The following CEP55 variants were observed in gnomAD, a reference collection of about 807,000 sequenced individuals.
CEP55 encodes centrosomal protein of 55 kDa.
Under a neutral mutation model 63.2 loss-of-function variants are expected in CEP55, and 57 were observed. The observed-to-expected ratio is 0.90, with a 90% CI of 0.73 to 1.13. CEP55 has a LOEUF of 1.13. CEP55 is among the 50% of genes most tolerant of loss of function. The pLI is 0.00. For synonymous variants in CEP55, 178 were observed against 191.6 expected, an observed-to-expected ratio of 0.93 and a Z score of 0.59; for missense variants, 456 against 518.9, an observed-to-expected ratio of 0.88 and a Z score of 1.18.
intron 3 of CEP55, among the ~76,000 whole-genome samples, chr10:93,504,468 G>A (rs895097092): frequency 1.6e-4 from 20 of 126,634 alleles, no homozygotes; most frequent in Non-Finnish European, 2.8e-4. Context: ...GTGAGCCTCT[G>A]TCTCAAAAAA....
At chr10:93,517,674 A>G (rs1225531565) in intron 6 of CEP55, among the ~76,000 whole-genome samples, 1 of 152,242 alleles carries the variant, frequency 6.6e-6, no homozygotes, top group Admixed American at 6.5e-5. Flanking sequence ...TGGTGATGAT[A>G]TGTGCTCAAG....
intron 8 of CEP55, among the ~76,000 whole-genome samples, chr10:93,524,965 A>G (rs1474363091): frequency 1.3e-5 from 2 of 151,636 alleles, no homozygotes; most frequent in East Asian, 3.9e-4. Context: ...TATTTATGAC[A>G]AACCCACAGC....
chr10:93,509,704 T>A (rs1284365473), intron 4 of CEP55, among the ~76,000 whole-genome samples: 3 of 152,162 alleles, frequency 2.0e-5, no homozygotes, highest in East Asian at 1.9e-4. Context: ...CAGGCTGGTC[T>A]CCAACTCCTG....
At position 93,503,336 on chromosome 10, in the gene CEP55, C is replaced by T; in HGVS notation, c.407C>T (p.Thr136Ile). 1.9e-6 allele frequency: 3 copies of T among 1,614,188 alleles called. No homozygotes were observed. Among genetic ancestry groups the T allele is most frequent in the South Asian group, 1.1e-5 (1 of 91,082 alleles). ...DVLKQQLSAATSRIAELESKT... is the reference protein window; with the variant it reads ...DVLKQQLSAAISRIAELESKT... Reference sequence around the variant, plus strand: ...TTGAAACAACAGTTGTCTGCTGCAACCTCACGAATTGCTGAACTTGAAAGC... The same window carrying T: ...TTGAAACAACAGTTGTCTGCTGCAATCTCACGAATTGCTGAACTTGAAAGC... Residue 136 changes from threonine (T) to isoleucine (I), a missense_variant, in exon 3 of 9, where the codon ACC (threonine) becomes ATC (isoleucine). Transcript: ENST00000371485.
intron 4 of CEP55, chr10:93,510,739 C>T (rs1244677541): frequency 6.6e-6 from 1 of 152,140 alleles, no homozygotes; most frequent in Non-Finnish European, 1.5e-5. Flanking sequence ...GCACAGATAG[C>T]AACTTTAATA....
At position 93,503,133 on chromosome 10, in the gene CEP55, T is replaced by A. The variant is rs61865305; in HGVS notation, c.204T>A (p.Ala68=). 112,060 of 1,613,340 alleles carry A rather than the reference T, an allele frequency of 0.069. 4,452 individuals carry two copies. The highest frequency in any genetic ancestry group is 0.082 in the Non-Finnish European group (96,447 of 1,179,628). ...RLLEKIRVLE[A]EKEKNAYQLT... Reference sequence around the variant, plus strand: ...TCTAGAAAATTCGAGTCCTTGAGGCTGAGAAGGAGAAGAATGCTTATCAAC... The same window carrying A: ...TCTAGAAAATTCGAGTCCTTGAGGCAGAGAAGGAGAAGAATGCTTATCAAC... The change falls in exon 3 of 9, where the codon GCT becomes GCA. Residue 68 remains alanine (A), a synonymous_variant. Coordinates refer to ENST00000371485, the MANE Select transcript of CEP55 (RefSeq NM_018131.5).
intron 4 of CEP55, among the ~76,000 whole-genome samples, chr10:93,514,156 C>T (rs1444611222): frequency 3.3e-5 from 5 of 152,142 alleles, no homozygotes; most frequent in African/African-American, 4.8e-5. Context: ...TGGTCTTGAA[C>T]TCCTGGCCTC....
chr10:93,519,624 T>C, intron 7 of CEP55, 58 bp from the exon 8 acceptor site: 1 of 1,564,008 alleles, frequency 6.4e-7, no homozygotes, highest in Non-Finnish European at 8.6e-7. Context: ...GAGCATCCAG[T>C]CAAGAGAACT....
intron 4 of CEP55, among the ~76,000 whole-genome samples, chr10:93,509,525 A>G (rs558992492): frequency 6.6e-6 from 1 of 150,932 alleles, no homozygotes; most frequent in African/African-American, 2.4e-5. Flanking sequence ...TCACTCTGTC[A>G]CTCAGGTTGG....
Position 93,518,893 on chromosome 10 carries a change from C to T in CEP55, c.1010C>T (p.Thr337Ile), listed in dbSNP as rs2134488019. The change falls in exon 7 of 9, where the codon ACA (threonine) becomes ATA (isoleucine). Residue 337 changes from threonine to isoleucine, a missense_variant. Coordinates refer to ENST00000371485, the MANE Select transcript of CEP55 (RefSeq NM_018131.5). ...GTCCTACAGGTCCAGTTTCTTTACA[C>T]ATCTCTGCTAAAGCAGCAAGAAGAA... ...ELLSQVQFLY[T>I]SLLKQQEEQT... is the part of the protein sequence containing the mutation. The T allele has an allele frequency of 6.2e-7, 1 of 1,610,622 alleles. No homozygotes were observed. The highest frequency in any genetic ancestry group is 8.5e-7 in the Non-Finnish European group (1 of 1,177,190).
At chr10:93,513,106 A>G (rs1021599864) in intron 4 of CEP55, among the ~76,000 whole-genome samples, 1 of 152,226 alleles carries the variant, frequency 6.6e-6, no homozygotes, top group Non-Finnish European at 1.5e-5. Flanking sequence ...CAAAATGGAT[A>G]TACAATATCT....
intron 5 of CEP55, among the ~76,000 whole-genome samples, chr10:93,516,317 G>T (rs1032442858): frequency 3.3e-5 from 5 of 152,174 alleles, no homozygotes; most frequent in African/African-American, 1.2e-4. Flanking sequence ...ATGCTAAAAA[G>T]AAACTATAAA....
Position 93,525,779 on chromosome 10 carries a change from G to A in CEP55, c.1192-2171G>A, listed in dbSNP as rs564437462. Among the ~76,000 whole-genome samples, 672 of 151,944 alleles carry A rather than the reference G, an allele frequency of 4.4e-3. 3 individuals are homozygous for A. The highest frequency in any genetic ancestry group is 0.016 in the African/African-American group (648 of 41,428). ...ACAGAACAGAGCCCTCAGAAATAAT[G>A]CCACACATCTACAACTACCTGATCT... On this transcript the variant is annotated intron_variant, in intron 8 of 8. Transcript: ENST00000371485.
intron 8 of CEP55, among the ~76,000 whole-genome samples, chr10:93,520,836 A>AT: frequency 6.6e-6 from 1 of 152,256 alleles, no homozygotes; most frequent in South Asian, 2.1e-4. Context: ...AAGAAAATAT[A>AT]TTTTTGGCTC....
At chr10:93,519,979 C>A in intron 8 of CEP55, 172 bp downstream of exon 8, 2 of 674,324 alleles carry the variant, frequency 3.0e-6, no homozygotes, top group Non-Finnish European at 5.2e-6. Flanking sequence ...ATTCAGAGGA[C>A]ATGAAAGAGG....
At chr10:93,510,438 G>A (rs904284653) in intron 4 of CEP55, 5 of 151,894 alleles carry the variant, frequency 3.3e-5, no homozygotes, top group African/African-American at 1.2e-4. Context: ...AAATTCAACC[G>A]TTGTTAACAT....
intron 8 of CEP55, 176 bp downstream of exon 8, chr10:93,519,983 A>C (rs1243670441): frequency 3.0e-6 from 2 of 662,516 alleles, no homozygotes; most frequent in Non-Finnish European, 2.6e-6. Context: ...AGAGGACATG[A>C]AAGAGGGACA....
At chr10:93,507,449 T>TGACCTCAAG (rs1344092774) in intron 4 of CEP55, among the ~76,000 whole-genome samples, 1 of 150,718 alleles carries the variant, frequency 6.6e-6, no homozygotes, top group African/African-American at 2.4e-5. Flanking sequence ...CTCAAACTCC[T>TGACCTCAAG]GACCTCAAGT....
chr10:93,523,215 A>G (rs370014898), intron 8 of CEP55, among the ~76,000 whole-genome samples: 5 of 152,244 alleles, frequency 3.3e-5, no homozygotes, highest in African/African-American at 1.2e-4. Flanking sequence ...AGTGACACAC[A>G]TAGGCTCAAA....
Sources: allele counts gnomAD v4.1 joint callset (sites outside exome capture counted in the v4.1 genomes callset), GRCh38; gene constraint gnomAD v4.1.1; transcripts MANE v1.5; gene names NCBI Gene and HGNC (gene_info 2026-07-23, HGNC 2026-07-21).